Variants in PACRG observed in about 807,000 individuals in gnomAD.
PACRG encodes the protein parkin coregulated gene protein.
Under a neutral mutation model 29.7 loss-of-function variants are expected in PACRG, and 29 were observed. That is an observed-to-expected ratio of 0.98 (90% confidence interval 0.73 to 1.33). The LOEUF (loss-of-function observed/expected upper bound fraction) is 1.33. PACRG is among the 40% of genes most tolerant of loss of function. The pLI is 0.00. For missense variants in PACRG, 279 were observed against 316.2 expected (o/e 0.88, Z 0.89); for synonymous variants, 116 against 118.7 (o/e 0.98, Z 0.15).
At chr6:163,227,241 A>G (rs1223639129) in intron 4 of PACRG, among the ~76,000 whole-genome samples, 1 of 152,140 alleles carries the variant, frequency 6.6e-6, no homozygotes, top group Non-Finnish European at 1.5e-5. Flanking sequence ...GCGAAGTAGG[A>G]GCACGCACAT....
In PACRG at chr6:162,947,608, A is replaced by ATGATT. The variant is rs1554313269; in HGVS notation, c.292-114542_292-114541insTGATT. 7.4e-3 allele frequency among the ~76,000 whole-genome samples: 491 copies of ATGATT among 66,350 alleles called. 44 individuals carry two copies. The highest frequency in any genetic ancestry group is 0.022 in the East Asian group (54 of 2,412). The allele number at this position is 66,350 out of a possible 152,430, so 43.5% of individuals were successfully genotyped here. ...CATATATATAATCATATATATATAT[A>ATGATT]ATCATATATATATATATATATATAT... On this transcript the variant is annotated intron_variant, in intron 2 of 4. Coordinates refer to ENST00000366888, the MANE Select transcript of PACRG (RefSeq NM_001080379.2).
intron 4 of PACRG, among the ~76,000 whole-genome samples, chr6:163,157,931 C>T (rs1778389515): frequency 6.6e-6 from 1 of 152,198 alleles, no homozygotes. Context: ...ACCAAGCTGA[C>T]AGGCTTAACT....
At chr6:162,954,919 G>A (rs760570794) in intron 2 of PACRG, among the ~76,000 whole-genome samples, 14 of 152,258 alleles carry the variant, frequency 9.2e-5, no homozygotes, top group Non-Finnish European at 1.8e-4. Flanking sequence ...TAGTAGCTGA[G>A]AATACTAGCA....
intron 2 of PACRG, among the ~76,000 whole-genome samples, chr6:162,894,329 G>A (rs1283963079): frequency 1.3e-5 from 2 of 152,284 alleles, no homozygotes; most frequent in South Asian, 4.1e-4. Flanking sequence ...TATAAAACAT[G>A]TCTTGCTCTC....
chr6:163,209,612 T>C (rs543734093), intron 4 of PACRG, among the ~76,000 whole-genome samples: 5 of 152,338 alleles, frequency 3.3e-5, no homozygotes, highest in African/African-American at 1.2e-4. Flanking sequence ...AGGAATATTA[T>C]GACATTACTG....
intron 4 of PACRG, chr6:163,244,944 C>A (rs962068919): frequency 5.1e-6 from 2 of 393,074 alleles, no homozygotes; most frequent in Non-Finnish European, 1.0e-5. Flanking sequence ...TTTTAGTAAC[C>A]CATCGACAAA....
intron 4 of PACRG, among the ~76,000 whole-genome samples, chr6:163,227,001 T>TA (rs1489422265): frequency 2.0e-5 from 3 of 151,924 alleles, no homozygotes; most frequent in Non-Finnish European, 4.4e-5. Context: ...GATGGTACGT[T>TA]AAAAAAAATA....
At chr6:162,966,958 A>C (rs751013581) in intron 2 of PACRG, among the ~76,000 whole-genome samples, 8 of 152,200 alleles carry the variant, frequency 5.3e-5, no homozygotes, top group Non-Finnish European at 1.2e-4. Context: ...TGGATATTAC[A>C]CAGTGATTAG....
At chr6:162,791,985 A>G (rs755090417) in intron 1 of PACRG, among the ~76,000 whole-genome samples, 20 of 152,108 alleles carry the variant, frequency 1.3e-4, no homozygotes, top group Non-Finnish European at 2.4e-4. Context: ...TTTCTATTCA[A>G]TGACTAGGAG....
intron 2 of PACRG, among the ~76,000 whole-genome samples, chr6:163,019,845 C>G (rs1806447036): frequency 6.6e-6 from 1 of 152,238 alleles, no homozygotes; most frequent in African/African-American, 2.4e-5. Context: ...ATATTGCTTT[C>G]TTATTTCCTT....
intron 4 of PACRG, among the ~76,000 whole-genome samples, chr6:163,177,685 T>G: frequency 7.7e-6 from 1 of 130,298 alleles, no homozygotes; most frequent in Non-Finnish European, 1.6e-5. Flanking sequence ...ACTAAAAGAG[T>G]GTTAGCTAAG....
chr6:163,277,572 CTATA>C (rs1330099865), intron 4 of PACRG, among the ~76,000 whole-genome samples: 1 of 145,788 alleles, frequency 6.9e-6, no homozygotes, highest in Non-Finnish European at 1.5e-5. Context: ...TCTATTTTGT[CTATA>C]TATGTATACA....
chr6:163,212,536 G>T (rs1297445505), intron 4 of PACRG, among the ~76,000 whole-genome samples: 1 of 152,190 alleles, frequency 6.6e-6, no homozygotes, highest in Non-Finnish European at 1.5e-5. Flanking sequence ...GGACACAGAT[G>T]CTGGCTCAAA....
At chr6:162,906,894 T>A (rs547032103) in intron 2 of PACRG, among the ~76,000 whole-genome samples, 2 of 152,318 alleles carry the variant, frequency 1.3e-5, no homozygotes, top group Non-Finnish European at 2.9e-5. Context: ...TGGAATAAGT[T>A]CTGGAATATA....
chr6:162,907,317 C>G (rs1475992551), intron 2 of PACRG, among the ~76,000 whole-genome samples: 1 of 152,000 alleles, frequency 6.6e-6, no homozygotes, highest in African/African-American at 2.4e-5. Context: ...CAATACATGC[C>G]TATTTTATGT....
At chr6:162,830,234 TGGTTGAACTGTGTCAGGCAGCCA>T (rs1275099084) in intron 2 of PACRG, among the ~76,000 whole-genome samples, 1 of 152,102 alleles carries the variant, frequency 6.6e-6, no homozygotes, top group Non-Finnish European at 1.5e-5. Flanking sequence ...CTGGGGACAA[TGGTTGAACTGTGTCAGGCAGCCA>T]GACTGGAATC....
At chr6:162,734,335 A>T (rs1779998957) in intron 1 of PACRG, among the ~76,000 whole-genome samples, 1 of 152,106 alleles carries the variant, frequency 6.6e-6, no homozygotes, top group African/African-American at 2.4e-5. Flanking sequence ...TTAATTTTTT[A>T]TTTTGAAAGT....
intron 2 of PACRG, among the ~76,000 whole-genome samples, chr6:162,818,232 A>G (rs1026505034): frequency 6.6e-6 from 1 of 152,198 alleles, no homozygotes; most frequent in African/African-American, 2.4e-5. Flanking sequence ...AACAAGTGAG[A>G]AAAGAGCTAA....
At chr6:162,947,619 T>TATATATATAATC (rs1562767416) in intron 2 of PACRG, among the ~76,000 whole-genome samples, 1 of 47,314 alleles carries the variant, frequency 2.1e-5, no homozygotes, top group African/African-American at 8.0e-5. Flanking sequence ...ATCATATATA[T>TATATATATAATC]ATATATATAT....
Sources: gnomAD v4.1 joint callset for allele counts (sites outside exome capture counted in the v4.1 genomes callset) on GRCh38, gnomAD v4.1.1 for gene constraint, MANE v1.5 for transcripts, NCBI Gene and HGNC (gene_info 2026-07-23, HGNC 2026-07-21) for gene names.